RAP1A: variants seen among roughly 807,000 people sequenced by gnomAD.
RAP1A encodes the protein ras-related protein Rap-1A.
In RAP1A, 6 loss-of-function variants were observed where a neutral mutation model predicts 26.4. The observed-to-expected ratio is 0.23, with a 90% CI of 0.12 to 0.45. The LOEUF is 0.45. RAP1A is among the 20% of genes least tolerant of loss of function. The pLI, the probability that RAP1A is intolerant of heterozygous loss-of-function variation, is 0.99. For synonymous variants in RAP1A, 73 were observed against 79.4 expected, an observed-to-expected ratio of 0.92 and a Z score of 0.43; for missense variants, 121 against 217.2, an observed-to-expected ratio of 0.56 and a Z score of 2.78.
At chr1:111,707,632 C>T (rs1040387107) in intron 6 of RAP1A, among the ~76,000 whole-genome samples, 1 of 152,174 alleles carries the variant, frequency 6.6e-6, no homozygotes, top group Admixed American at 6.5e-5. Context: ...TAAAGCCAGT[C>T]CATTTTTTAA....
At position 111,683,589 on chromosome 1, in the gene RAP1A, T is replaced by C. The variant is rs376480234; in HGVS notation, c.-27-7745T>C. On this transcript the variant is annotated intron_variant, in intron 1 of 7. Coordinates refer to ENST00000369709, the MANE Select transcript of RAP1A (RefSeq NM_002884.4). ...AAATGGATAAATTCCTGGATACATA[T>C]ACCCTCCCAAGACTAAACCACAAAG... 3.0e-3 allele frequency among the ~76,000 whole-genome samples: 457 copies of C among 152,138 alleles called. 1 individual carries two copies. Among genetic ancestry groups the C allele is most frequent in the African/African-American group, 0.01 (424 of 41,516 alleles).
At chr1:111,557,477 G>A (rs1297952557) in intron 1 of RAP1A, among the ~76,000 whole-genome samples, 1 of 151,232 alleles carries the variant, frequency 6.6e-6, no homozygotes, top group Non-Finnish European at 1.5e-5. Flanking sequence ...TGGAACCCAG[G>A]AGGAGGAGGT....
At chr1:111,635,866 C>T (rs1659715136) in intron 1 of RAP1A, among the ~76,000 whole-genome samples, 1 of 152,102 alleles carries the variant, frequency 6.6e-6, no homozygotes, top group Non-Finnish European at 1.5e-5. Flanking sequence ...AGCCACTGTG[C>T]CTGGCCAGCA....
At chr1:111,592,819 C>T (rs2101067124) in intron 1 of RAP1A, among the ~76,000 whole-genome samples, 1 of 152,312 alleles carries the variant, frequency 6.6e-6, no homozygotes, top group Non-Finnish European at 1.5e-5. Context: ...GCCCCACCCC[C>T]TCCCATCTGC....
intron 1 of RAP1A, among the ~76,000 whole-genome samples, chr1:111,640,354 TTTA>T (rs1437311064): frequency 2.0e-5 from 3 of 152,234 alleles, no homozygotes; most frequent in African/African-American, 7.2e-5. Context: ...ATGTTTTCAT[TTTA>T]TTATTTCTCA....
intron 1 of RAP1A, among the ~76,000 whole-genome samples, chr1:111,651,402 G>C (rs959956312): frequency 2.0e-5 from 3 of 149,384 alleles, no homozygotes; most frequent in Non-Finnish European, 3.0e-5. Context: ...AAATGACTTT[G>C]TACTTTTAAT....
chr1:111,638,048 A>C (rs12131616), intron 1 of RAP1A, among the ~76,000 whole-genome samples: 22,875 of 151,714 alleles, frequency 0.15, 1,843 homozygotes, highest in African/African-American at 0.2. Flanking sequence ...TATATATCCT[A>C]ACATAAATAA....
At chr1:111,682,845 G>A (rs927758236) in intron 1 of RAP1A, among the ~76,000 whole-genome samples, 4 of 152,088 alleles carry the variant, frequency 2.6e-5, no homozygotes, top group South Asian at 2.1e-4. Context: ...CTACAGAACC[G>A]TCCACCCCAA....
chr1:111,542,307 G>C, exon 1 of RAP1A: 1 of 517,926 alleles, frequency 1.9e-6, no homozygotes, highest in East Asian at 5.0e-5. Flanking sequence ...CGCGACAAGA[G>C]CAAAGAAGTT....
At chr1:111,689,562 T>C (rs1293889805) in intron 1 of RAP1A, among the ~76,000 whole-genome samples, 1 of 152,216 alleles carries the variant, frequency 6.6e-6, no homozygotes, top group Non-Finnish European at 1.5e-5. Context: ...CCTCATTTTT[T>C]TCTTTAAATT....
chr1:111,593,652 CTTTTTTTTTTTTTTT>C (rs994763442), intron 1 of RAP1A, among the ~76,000 whole-genome samples: 1 of 65,378 alleles, frequency 1.5e-5, no homozygotes, highest in Non-Finnish European at 2.7e-5. Context: ...ATGACTCCTA[CTTTTTTTTTTTTTTT>C]TTTTTTTTTT....
intron 1 of RAP1A, among the ~76,000 whole-genome samples, chr1:111,597,704 TAAAG>T (rs1325297336): frequency 2.6e-5 from 4 of 152,150 alleles, no homozygotes; most frequent in African/African-American, 7.2e-5. Context: ...GCAATTTTCA[TAAAG>T]AAAGGGGAGA....
intron 5 of RAP1A, among the ~76,000 whole-genome samples, chr1:111,703,955 T>C (rs1662101298): frequency 1.3e-5 from 2 of 152,300 alleles, no homozygotes; most frequent in Admixed American, 6.5e-5. Context: ...TGTGCCACCC[T>C]GCCTGGCTGA....
chr1:111,593,651 A>ATTTTT (rs1658509800), intron 1 of RAP1A, among the ~76,000 whole-genome samples: 3 of 41,394 alleles, frequency 7.2e-5, no homozygotes, highest in Non-Finnish European at 1.5e-4. Context: ...TATGACTCCT[A>ATTTTT]CTTTTTTTTT....
chr1:111,648,187 GTGTGTGT>G, intron 1 of RAP1A: 1 of 323,234 alleles, frequency 3.1e-6, no homozygotes, highest in Non-Finnish European at 5.5e-6. Context: ...GTGTGTGTGT[GTGTGTGT>G]GTGTGTGTGT....
intron 1 of RAP1A, among the ~76,000 whole-genome samples, chr1:111,666,759 A>G (rs541192222): frequency 2.6e-5 from 4 of 152,304 alleles, no homozygotes; most frequent in East Asian, 3.9e-4. Context: ...TATCTTAGGG[A>G]ATTAATACTT....
intron 1 of RAP1A, among the ~76,000 whole-genome samples, chr1:111,624,485 G>A (rs1659332921): frequency 6.6e-6 from 1 of 152,336 alleles, no homozygotes; most frequent in East Asian, 1.9e-4. Context: ...CCTGCACACA[G>A]TTGTGAGATG....
upstream of RAP1A, among the ~76,000 whole-genome samples, chr1:111,617,152 G>A (rs141478202): frequency 2.5e-4 from 38 of 152,236 alleles, no homozygotes; most frequent in African/African-American, 8.9e-4. Flanking sequence ...AGGCTGATGT[G>A]ACCCCACCAG....
chr1:111,621,912 C>G (rs1044689159), intron 1 of RAP1A, among the ~76,000 whole-genome samples: 8 of 152,170 alleles, frequency 5.3e-5, no homozygotes, highest in African/African-American at 1.9e-4. Context: ...AGTATCTACA[C>G]TTAATATACC....
Sources: gnomAD v4.1 joint callset for allele counts (sites outside exome capture counted in the v4.1 genomes callset) on GRCh38, gnomAD v4.1.1 for gene constraint, MANE v1.5 for transcripts, NCBI Gene and HGNC (gene_info 2026-07-23, HGNC 2026-07-21) for gene names.